SLX4: variants seen among roughly 807,000 people sequenced by gnomAD.
The protein encoded by SLX4 is structure-specific endonuclease subunit SLX4.
Under a neutral mutation model 146.2 loss-of-function variants are expected in SLX4, and 112 were observed. The observed-to-expected ratio is 0.77, with a 90% CI of 0.66 to 0.90. SLX4 has a LOEUF of 0.90. SLX4 is among the 40% of genes least tolerant of loss of function. The pLI is 0.00. For missense variants in SLX4, 2,563 were observed against 2,392.7 expected (o/e 1.07, Z -1.49); for synonymous variants, 1,061 against 997.7 (o/e 1.06, Z -1.20).
rs778547872 is a variant in SLX4 at position 3,591,206 on chromosome 16, C to G, written c.2432G>C (p.Arg811Thr). ...CAAGAGTTCCTGGAAATTCTCGGCC[C>G]TGCTTTCGCAATTCTCTGCTTCCTT... ...EEKEAENCESRAENFQELLRS... is the reference protein window; with the variant it reads ...EEKEAENCESTAENFQELLRS... The change falls in exon 12 of 15, where the codon AGG (arginine) becomes ACG (threonine). Residue 811 changes from arginine to threonine, a missense_variant. Arg to Thr is a moderately conservative substitution (Grantham distance 71, BLOSUM62 -1). Transcript: ENST00000294008. The G allele has an allele frequency of 6.2e-7, 1 of 1,614,100 alleles. No homozygotes were observed. The highest frequency in any genetic ancestry group is 8.5e-7 in the Non-Finnish European group (1 of 1,180,046).
At chr16:3,591,394 G>C in intron 11 of SLX4, 84 bp from the exon 12 acceptor site, 3 of 1,571,590 alleles carry the variant, frequency 1.9e-6, no homozygotes, top group Non-Finnish European at 1.7e-6. Context: ...GACCAGAGCA[G>C]AGTCTTCACC....
chr16:3,588,559 C>T (rs2040534990), intron 12 of SLX4, among the ~76,000 whole-genome samples: 2 of 152,284 alleles, frequency 1.3e-5, no homozygotes, highest in East Asian at 3.9e-4. Flanking sequence ...TGTCTGAGTC[C>T]CTGTTTTTAA....
In SLX4 at chr16:3,589,353, G is replaced by A. The variant is rs1657997697; in HGVS notation, c.4285C>T (p.His1429Tyr). Residue 1429 changes from histidine to tyrosine, a missense_variant, in exon 12 of 15, where the codon CAC becomes TAC. Transcript: ENST00000294008. The surrounding 1 kb of genome is among the most constrained non-coding windows in gnomAD (Gnocchi z 6.2). ...PPIPIDDCCW[H>Y]MEPLSPIPID... ...GGAATTGGCGAGAGGGGCTCCATGT[G>A]CCAGCAGCAGTCGTCAATTGGAATT... is the stretch of plus-strand genomic sequence containing the variant. 4 of 1,581,836 alleles carry A rather than the reference G, an allele frequency of 2.5e-6. No individual in the cohort carries two copies. The highest frequency in any genetic ancestry group is 2.3e-5 in the East Asian group (1 of 44,404).
chr16:3,609,794 A>G lies in SLX4; in HGVS notation c.-602-228T>C, dbSNP rs60918224. ...GTTGTTCTTCCACAGGTATTAAAAT[A>G]TGTGCATCTTGGGAGAGTGTTTTCT... On this transcript the variant is annotated intron_variant, in intron 1 of 14. Transcript: ENST00000294008. Among the ~76,000 whole-genome samples the G allele has an allele frequency of 0.077, 11,788 of 152,326 alleles. 492 individuals carry two copies. The highest frequency in any genetic ancestry group is 0.11 in the African/African-American group (4,460 of 41,562).
At chr16:3,608,042 G>A (rs2040806627) in intron 2 of SLX4, among the ~76,000 whole-genome samples, 1 of 152,160 alleles carries the variant, frequency 6.6e-6, no homozygotes, top group Non-Finnish European at 1.5e-5. Context: ...GGAGTCAGCC[G>A]GGCGCAGTGG....
At position 3,590,486 on chromosome 16, in the gene SLX4, G is replaced by A. The variant is rs899167756; in HGVS notation, c.3152C>T (p.Thr1051Ile). The A allele has an allele frequency of 3.1e-6, 5 of 1,613,958 alleles. No individual in the cohort carries two copies. The African/African-American group carries it at 6.7e-5, about 22-fold the overall frequency. The change falls in exon 12 of 15, where the codon ACA (threonine) becomes ATA (isoleucine). Residue 1051 changes from threonine to isoleucine, a missense_variant. Coordinates refer to ENST00000294008, the MANE Select transcript of SLX4 (RefSeq NM_032444.4). The surrounding 1 kb of genome is among the most constrained non-coding windows in gnomAD (Gnocchi z 4.8). The stretch of plus-strand genomic sequence containing the variant: ...GGGTGTTGACAGGGACGACCCACTT[G>A]TGTGATGAGACCCGCGGGGACTCCC... ...QGGSPRGSHH[T>I]SGSSLSTPRS...
In SLX4 at chr16:3,582,960, G is replaced by A. The variant is rs527403057; in HGVS notation, c.5153+137C>T. On this transcript the variant is annotated intron_variant, in intron 14 of 14. Coordinates refer to ENST00000294008, the MANE Select transcript of SLX4 (RefSeq NM_032444.4). Reference sequence around the variant, plus strand: ...GGGAACCAGCCCCCTAAACCCACCTGGTTTTCCCACAGGTCAAACCCAGAA... The same window carrying A: ...GGGAACCAGCCCCCTAAACCCACCTAGTTTTCCCACAGGTCAAACCCAGAA... 8 of 1,174,908 alleles carry A rather than the reference G, an allele frequency of 6.8e-6. No homozygotes were observed. The East Asian group carries it at 1.4e-4, about 21-fold the overall frequency. 72.8% of individuals were successfully genotyped at this position (1,174,908 alleles called of 1,614,324 possible).
rs1482759138 is a variant in SLX4, at chr16:3,590,946, T to G, written c.2692A>C (p.Lys898Gln). ...ATCTCCTCCACCTTGTCCCACTGTT[T>G]CTGCACCTGGACACCTGCTAGGAGT... is the stretch of plus-strand genomic sequence containing the variant. Reference protein sequence around the residue: ...GQLLAGVQVQKQWDKVEEMEP... With the variant: ...GQLLAGVQVQQQWDKVEEMEP... The change falls in exon 12 of 15, where the codon AAA (lysine) becomes CAA (glutamine). Residue 898 changes from lysine to glutamine, a missense_variant. By Grantham distance (53) the Lys-to-Gln change is moderately conservative (BLOSUM62 1). Transcript: ENST00000294008. The surrounding 1 kb of genome is among the most constrained non-coding windows in gnomAD (Gnocchi z 4.8). 2 of 1,614,176 alleles carry G rather than the reference T, an allele frequency of 1.2e-6. No homozygotes were observed. Among genetic ancestry groups the G allele is most frequent in the Admixed American group, 3.3e-5 (2 of 60,030 alleles).
At chr16:3,585,249 G>A (rs1234593884) in intron 12 of SLX4, among the ~76,000 whole-genome samples, 1 of 152,096 alleles carries the variant, frequency 6.6e-6, no homozygotes, top group Admixed American at 6.6e-5. Context: ...CATCAGTTTT[G>A]CTTTTTAAAA....
Position 3,583,191 on chromosome 16 carries a change from G to GGGCA in SLX4, c.5058_5059insTGCC (p.Pro1687CysfsTer7). ...TGGGCGTCATCATTGAGGCCTGGAG[G>GGGCA]TGCCTCCTTGGTGGGCGACCTGCTT... On this transcript the variant is annotated frameshift_variant, in exon 14 of 15. Transcript: ENST00000294008. LOFTEE classifies it high-confidence loss of function. 6.2e-7 allele frequency: 1 copy of GGGCA among 1,614,226 alleles called. No homozygotes were observed. Among genetic ancestry groups the GGGCA allele is most frequent in the Non-Finnish European group, 8.5e-7 (1 of 1,180,028 alleles).
chr16:3,606,332 C>T (rs1305045589), intron 3 of SLX4, 142 bp downstream of exon 3: 2 of 889,624 alleles, frequency 2.2e-6, no homozygotes, highest in Non-Finnish European at 3.8e-6. Flanking sequence ...TGGCTGGATC[C>T]AGTGAAGTGG....
chr16:3,600,973 A>G lies in SLX4; in HGVS notation c.1163+6T>C. The G allele has an allele frequency of 1.2e-6, 2 of 1,613,146 alleles. No homozygotes were observed. The highest frequency in any genetic ancestry group is 2.7e-5 in the African/African-American group (2 of 74,986). On this transcript the variant is annotated splice_donor_region_variant and intron_variant, in intron 5 of 14. Transcript: ENST00000294008. ...GGCTTGGTTTTCTTCCTTTTCGTCGACTTACCTGAACATGGGTGGGCTGCT... is the reference window on the plus strand; with the variant it reads ...GGCTTGGTTTTCTTCCTTTTCGTCGGCTTACCTGAACATGGGTGGGCTGCT...
Position 3,596,274 on chromosome 16 carries a change from C to A in SLX4, c.1803G>T (p.Ser601=), listed in dbSNP as rs144892556. The A allele has an allele frequency of 6.4e-7, 1 of 1,565,058 alleles. No individual in the cohort carries two copies. Residue 601 remains serine (S), a synonymous_variant, in exon 8 of 15, where the codon TCG becomes TCT. Coordinates refer to ENST00000294008, the MANE Select transcript of SLX4 (RefSeq NM_032444.4). ...PTAGCGSRGP[S]PSASQREHQA... ...GGTGCTCCCTCTGGCTGGCCGAAGG[C>A]GACGGGCCCCTGGAGCCACAGCCTG...
intron 12 of SLX4, among the ~76,000 whole-genome samples, chr16:3,585,400 C>A (rs1300594347): frequency 6.6e-6 from 1 of 152,070 alleles, no homozygotes; most frequent in East Asian, 1.9e-4. Flanking sequence ...TCCTGGCTAA[C>A]ACGGTGAAAC....
chr16:3,605,517 C>T (rs1213968646), intron 3 of SLX4, among the ~76,000 whole-genome samples: 1 of 152,150 alleles, frequency 6.6e-6, no homozygotes, highest in Admixed American at 6.5e-5. Flanking sequence ...GCCATCATGC[C>T]TGGCTTCATT....
intron 3 of SLX4, among the ~76,000 whole-genome samples, chr16:3,605,168 C>T (rs997939531): frequency 1.3e-5 from 2 of 151,744 alleles, no homozygotes; most frequent in African/African-American, 4.8e-5. Flanking sequence ...CGGCTCACTG[C>T]AAGCTCTGTC....
In SLX4 at chr16:3,590,780, A is replaced by G. The variant is rs2151124919; in HGVS notation, c.2858T>C (p.Leu953Pro). ...AGGGCTGGAGCAGCTGGAATGGCCA[A>G]GCGCCTCCTCTGGCGCCTCCTGCTC... ...APEQEAPEEALGHSSCSSPSR... is the reference protein window; with the variant it reads ...APEQEAPEEAPGHSSCSSPSR... Residue 953 changes from leucine (L) to proline (P), a missense_variant, in exon 12 of 15, where the codon CTT becomes CCT. Physicochemically the swap from Leu to Pro is moderately conservative, Grantham distance 98 (BLOSUM62 -3). Transcript: ENST00000294008. The surrounding 1 kb of genome is among the most constrained non-coding windows in gnomAD (Gnocchi z 4.8). The G allele has an allele frequency of 6.2e-7, 1 of 1,614,028 alleles. No individual in the cohort carries two copies. Among genetic ancestry groups the G allele is most frequent in the Non-Finnish European group, 8.5e-7 (1 of 1,180,028 alleles).
chr16:3,589,199 C>A lies in SLX4; in HGVS notation c.4439G>T (p.Gly1480Val). 5.0e-6 allele frequency: 8 copies of A among 1,614,058 alleles called. No individual in the cohort carries two copies. Among genetic ancestry groups the A allele is most frequent in the African/African-American group, 1.3e-5 (1 of 75,042 alleles). The change falls in exon 12 of 15, where the codon GGA (glycine) becomes GTA (valine). Residue 1480 changes from glycine (G) to valine (V), a missense_variant. Coordinates refer to ENST00000294008, the MANE Select transcript of SLX4 (RefSeq NM_032444.4). This position sits in a 1 kb window ranked among gnomAD's most constrained non-coding sequence, Gnocchi z 6.2. ...PGLLDTTPIR[G>V]SCTTQRKLQE... ...CAATTTCCTCTGGGTAGTGCAGCTT[C>A]CTCGGATGGGGGTGGTGTCCAGGAG...
Position 3,582,633 on chromosome 16 carries a change from C to A in SLX4, c.5214G>T (p.Gly1738=). 1 of 1,613,534 alleles carries A rather than the reference C, an allele frequency of 6.2e-7. No homozygotes were observed. The highest frequency in any genetic ancestry group is 8.5e-7 in the Non-Finnish European group (1 of 1,180,026). The part of the protein sequence containing the change: ...FESAGEEEGE[G]EVSASQAAVQ... ...CGGCTGCCTGCGAGGCACTGACCTC[C>A]CCCTCGCCCTCCTCTTCACCTGCAG... The change falls in exon 15 of 15, where the codon GGG becomes GGT. Residue 1738 remains glycine, a synonymous_variant. Coordinates refer to ENST00000294008, the MANE Select transcript of SLX4 (RefSeq NM_032444.4).
Sources: gnomAD v4.1 joint callset for allele counts (sites outside exome capture counted in the v4.1 genomes callset) on GRCh38, gnomAD v4.1.1 for gene constraint, Gnocchi (gnomAD v3.1) non-coding constraint, MANE v1.5 for transcripts, NCBI Gene and HGNC (gene_info 2026-07-23, HGNC 2026-07-21) for gene names.